The following CAD variants were observed in gnomAD, a reference collection of about 807,000 sequenced individuals.
The protein encoded by CAD is multifunctional protein CAD.
A neutral mutation model predicts 237.2 loss-of-function variants in CAD; 81 were observed. The ratio of observed to expected loss-of-function variants is 0.34; its 90% CI spans 0.29 to 0.41. The LOEUF is 0.41. Ranked by LOEUF, CAD falls within the 10% of genes least tolerant of loss-of-function variation. The pLI is 1.00. For synonymous variants in CAD, 1,196 were observed against 1,162.8 expected, an observed-to-expected ratio of 1.03 and a Z score of -0.58; for missense variants, 2,181 against 2,951.7, an observed-to-expected ratio of 0.74 and a Z score of 6.05.
At position 27,236,297 on chromosome 2, in the gene CAD, A is replaced by G; in HGVS notation, c.4088A>G (p.Asp1363Gly). ...CCGGGTTGGCAGGTAACAGCTGTGG[A>G]CTGGCACTTTGAGGAGGCTGTGGAT... is the stretch of plus-strand genomic sequence containing the variant. ...TEHGVKVTAV[D>G]WHFEEAVDGE... Residue 1363 changes from aspartate (D) to glycine (G), a missense_variant, in exon 26 of 44, where the codon GAC becomes GGC. Coordinates refer to ENST00000264705, the MANE Select transcript of CAD (RefSeq NM_004341.5). The surrounding 1 kb of genome is among the most constrained non-coding windows in gnomAD (Gnocchi z 4.1). 6.2e-7 allele frequency: 1 copy of G among 1,613,962 alleles called. No individual in the cohort carries two copies. The highest frequency in any genetic ancestry group is 8.5e-7 in the Non-Finnish European group (1 of 1,179,970).
rs996720922 is a variant in CAD at position 27,221,392 on chromosome 2, C to T, written c.352+45C>T. 3 of 1,446,330 alleles carry T rather than the reference C, an allele frequency of 2.1e-6. No individual in the cohort carries two copies. The African/African-American group carries it at 4.3e-5, about 21-fold the overall frequency. 89.6% of individuals were successfully genotyped at this position (1,446,330 alleles called of 1,614,324 possible). A position where few individuals can be genotyped will look rare whatever the true frequency, so the allele number is the denominator to read the frequency against. ...CATATTTGGGCAGAGCACAGCATGC[C>T]TGGATGGAAAGAATCAAGGTTTCTG... On this transcript the variant is annotated intron_variant, in intron 3 of 43. Coordinates refer to ENST00000264705, the MANE Select transcript of CAD (RefSeq NM_004341.5).
chr2:27,221,525 A>T (rs952902999), intron 3 of CAD, among the ~76,000 whole-genome samples, 178 bp downstream of exon 3: 1 of 152,204 alleles, frequency 6.6e-6, no homozygotes, highest in Non-Finnish European at 1.5e-5. Context: ...TTTCCAACAC[A>T]GGAAGGAACT....
Position 27,242,765 on chromosome 2 carries a change from G to T in CAD, c.6368G>T (p.Gly2123Val). 1 of 1,614,184 alleles carries T rather than the reference G, an allele frequency of 6.2e-7. No homozygotes were observed. Among genetic ancestry groups the T allele is most frequent in the Non-Finnish European group, 8.5e-7 (1 of 1,180,022 alleles). ...GTGCGGGCCTTCGTGGCCTCCCGCG[G>T]CACCAAGCAGGTGAGACCCTCACAG... Reference protein sequence around the residue: ...PTVRAFVASRGTKQEEFESIE... With the variant: ...PTVRAFVASRVTKQEEFESIE... Residue 2123 changes from glycine (G) to valine (V), a missense_variant, in exon 41 of 44, where the codon GGC becomes GTC. Gly to Val is a moderately radical substitution (Grantham distance 109, BLOSUM62 -3). Coordinates refer to ENST00000264705, the MANE Select transcript of CAD (RefSeq NM_004341.5). This position sits in a 1 kb window ranked among gnomAD's most constrained non-coding sequence, Gnocchi z 6.4.
chr2:27,240,280 C>T lies in CAD; in HGVS notation c.5512C>T (p.Arg1838Cys), dbSNP rs918556853. The stretch of plus-strand genomic sequence containing the variant: ...ATCCCTCCAGACACCTGAAAGACCC[C>T]GCCGTGGCATCCCAGGGCTTCCTGA... Reference protein sequence around the residue: ...SEMTTTPERPRRGIPGLPDGR... With the variant: ...SEMTTTPERPCRGIPGLPDGR... Residue 1838 changes from arginine (R) to cysteine (C), a missense_variant, in exon 35 of 44, where the codon CGC (arginine) becomes TGC (cysteine). Arg to Cys is a radical substitution (Grantham distance 180). Around this residue, in one of 12 missense-constraint regions of CAD, gnomAD observed 478 missense variants for 515.0 expected, o/e 0.93. Coordinates refer to ENST00000264705, the MANE Select transcript of CAD (RefSeq NM_004341.5). The surrounding 1 kb of genome is among the most constrained non-coding windows in gnomAD (Gnocchi z 4.6). The T allele has an allele frequency of 1.1e-5, 17 of 1,613,870 alleles. No homozygotes were observed. The highest frequency in any genetic ancestry group is 2.2e-5 in the East Asian group (1 of 44,890).
rs1266022266 is a variant in CAD, at chr2:27,235,313, T to C, written c.3855T>C (p.Thr1285=). The C allele has an allele frequency of 6.2e-7, 1 of 1,614,016 alleles. No homozygotes were observed. Among genetic ancestry groups the C allele is most frequent in the Non-Finnish European group, 8.5e-7 (1 of 1,180,000 alleles). Residue 1285 remains threonine (T), a synonymous_variant, in exon 24 of 44, where the codon ACT becomes ACC. Coordinates refer to ENST00000264705, the MANE Select transcript of CAD (RefSeq NM_004341.5). The surrounding 1 kb of genome is among the most constrained non-coding windows in gnomAD (Gnocchi z 5.2). Reference sequence around the variant, plus strand: ...TGTTGGGTGTGGAAATGACCAGTACTGGGGAGGTGGCCGGCTTTGGGGAGA... The same window carrying C: ...TGTTGGGTGTGGAAATGACCAGTACCGGGGAGGTGGCCGGCTTTGGGGAGA... ...DVVLGVEMTS[T]GEVAGFGESR... is the part of the protein sequence containing the mutation.
Position 27,218,019 on chromosome 2 carries a change from A to G in CAD, c.222+3A>G. On this transcript the variant is annotated splice_donor_region_variant and intron_variant, in intron 2 of 43. Transcript: ENST00000264705. ...TGGATGAGTTCGGTCTCTGCAAGGT[A>G]GCCACACCCAGTGCTTTCTCTACAT... The G allele has an allele frequency of 6.3e-7, 1 of 1,590,482 alleles. No homozygotes were observed. Among genetic ancestry groups the G allele is most frequent in the Non-Finnish European group, 8.5e-7 (1 of 1,170,330 alleles).
Position 27,239,395 on chromosome 2 carries a change from CT to C in CAD, c.5322del (p.Phe1774LeufsTer6). On this transcript the variant is annotated frameshift_variant, in exon 33 of 44. Coordinates refer to ENST00000264705, the MANE Select transcript of CAD (RefSeq NM_004341.5). LOFTEE classifies it high-confidence loss of function. This position sits in a 1 kb window ranked among gnomAD's most constrained non-coding sequence, Gnocchi z 4.0. ...CCCTTCTCCAAGGCCCACTGGACACCTTTTGAAGGGCAGAAAGTGAAGGGCA... is the reference window on the plus strand; with the variant it reads ...CCCTTCTCCAAGGCCCACTGGACACCTTTGAAGGGCAGAAAGTGAAGGGCA... ...HMPFSKAHWT[P>X]FEGQKVKGTV... 6.2e-7 allele frequency: 1 copy of C among 1,614,120 alleles called. No individual in the cohort carries two copies. The highest frequency in any genetic ancestry group is 8.5e-7 in the Non-Finnish European group (1 of 1,179,992).
Position 27,239,044 on chromosome 2 carries a change from C to T in CAD, c.5065C>T (p.Pro1689Ser), listed in dbSNP as rs2148090834. 6.4e-6 allele frequency: 10 copies of T among 1,553,848 alleles called. No homozygotes were observed. Among genetic ancestry groups the T allele is most frequent in the African/African-American group, 1.4e-5 (1 of 72,824 alleles). The change falls in exon 32 of 44, where the codon CCC becomes TCC. Residue 1689 changes from proline (P) to serine (S), a missense_variant and splice_region_variant. Around this residue, in one of 12 missense-constraint regions of CAD, gnomAD observed 478 missense variants for 515.0 expected, o/e 0.93. Coordinates refer to ENST00000264705, the MANE Select transcript of CAD (RefSeq NM_004341.5). The surrounding 1 kb of genome is among the most constrained non-coding windows in gnomAD (Gnocchi z 4.0). ...VIDCFASDHA[P>S]HTLEEKCGSR... The stretch of plus-strand genomic sequence containing the variant: ...GGTAATGGCTTTCTTTCTCCCAGCT[C>T]CCCATACCTTGGAGGAGAAGTGTGG...
At chr2:27,227,681 T>A (rs1675502758) in intron 15 of CAD, 1 of 152,162 alleles carries the variant, frequency 6.6e-6, no homozygotes, top group Non-Finnish European at 1.5e-5. Flanking sequence ...CAAAAAGAAG[T>A]GGATTGAAAA....
chr2:27,234,769 C>G, intron 23 of CAD, 84 bp downstream of exon 23: 1 of 1,328,592 alleles, frequency 7.5e-7, no homozygotes, highest in African/African-American at 1.4e-5. Flanking sequence ...AGTATGTAAA[C>G]CAGGCACTGA....
At position 27,239,404 on chromosome 2, in the gene CAD, G is replaced by A. The variant is rs749852041; in HGVS notation, c.5327G>A (p.Gly1776Glu). 6.2e-7 allele frequency: 1 copy of A among 1,614,006 alleles called. No individual in the cohort carries two copies. Among genetic ancestry groups the A allele is most frequent in the African/African-American group, 1.3e-5 (1 of 74,910 alleles). The change falls in exon 33 of 44, where the codon GGG becomes GAG. Residue 1776 changes from glycine to glutamate, a missense_variant. Transcript: ENST00000264705. The surrounding 1 kb of genome is among the most constrained non-coding windows in gnomAD (Gnocchi z 4.0). ...AAGGCCCACTGGACACCTTTTGAAG[G>A]GCAGAAAGTGAAGGGCACCGTCCGC... ...FSKAHWTPFE[G>E]QKVKGTVRRV...
Position 27,232,438 on chromosome 2 carries a change from T to G in CAD, c.2646-10T>G, listed in dbSNP as rs1357464213. 2.5e-6 allele frequency: 4 copies of G among 1,614,000 alleles called. No homozygotes were observed. The highest frequency in any genetic ancestry group is 2.7e-5 in the African/African-American group (2 of 74,922). ...CTGGGCCTGTGTTTCAGACCCTTTT[T>G]CTATTTTAGCACAGAGCTGGCTGTT... On this transcript the variant is annotated splice_polypyrimidine_tract_variant and intron_variant, in intron 17 of 43. Transcript: ENST00000264705. This position sits in a 1 kb window ranked among gnomAD's most constrained non-coding sequence, Gnocchi z 4.1.
chr2:27,232,739 A>G lies in CAD; in HGVS notation c.2892+45A>G, dbSNP rs371169356. On this transcript the variant is annotated intron_variant, in intron 18 of 43. Transcript: ENST00000264705. This position sits in a 1 kb window ranked among gnomAD's most constrained non-coding sequence, Gnocchi z 4.1. ...TTCCACTTTCCTTGCTATTCTGTTC[A>G]TCTCTAGCAATTGCTTGGCACTAAT... is the stretch of plus-strand genomic sequence containing the variant. The G allele has an allele frequency of 1.4e-5, 22 of 1,609,550 alleles. No homozygotes were observed. The African/African-American group carries it at 2.8e-4, about 21-fold the overall frequency.
In CAD at chr2:27,232,267, C is replaced by A; in HGVS notation, c.2645+43C>A. 6.2e-7 allele frequency: 1 copy of A among 1,608,176 alleles called. No individual in the cohort carries two copies. Among genetic ancestry groups the A allele is most frequent in the Non-Finnish European group, 8.5e-7 (1 of 1,178,040 alleles). ...GAGCTTCCGGCTGGGAAATGTGGGG[C>A]AGAACCTTTGTATCAGTGAGGGACC... is the stretch of plus-strand genomic sequence containing the variant. On this transcript the variant is annotated intron_variant, in intron 17 of 43. Coordinates refer to ENST00000264705, the MANE Select transcript of CAD (RefSeq NM_004341.5). The surrounding 1 kb of genome is among the most constrained non-coding windows in gnomAD (Gnocchi z 4.1).
rs1675849447 is a variant in CAD, at chr2:27,233,256, G to C, written c.2992-56G>C. 12 of 1,537,466 alleles carry C rather than the reference G, an allele frequency of 7.8e-6. No individual in the cohort carries two copies. The highest frequency in any genetic ancestry group is 1.1e-5 in the Non-Finnish European group (12 of 1,111,018). On this transcript the variant is annotated intron_variant, in intron 19 of 43. Coordinates refer to ENST00000264705, the MANE Select transcript of CAD (RefSeq NM_004341.5). The surrounding 1 kb of genome is among the most constrained non-coding windows in gnomAD (Gnocchi z 6.3). ...GCTGAGGGAAGCAGTGAGCAGGAAG[G>C]CTCAGATTCCTGCCCTCTTTTGCTG... is the stretch of plus-strand genomic sequence containing the variant.
chr2:27,238,333 C>T lies in CAD; in HGVS notation c.4861-98C>T, dbSNP rs1676125081. On this transcript the variant is annotated intron_variant, in intron 30 of 43. Transcript: ENST00000264705. Reference sequence around the variant, plus strand: ...TCGAGCCAGCACCCTTGCAGGTCTACATCATCATTTTTTGAGCAGGGATGT... The same window carrying T: ...TCGAGCCAGCACCCTTGCAGGTCTATATCATCATTTTTTGAGCAGGGATGT... The T allele has an allele frequency of 2.1e-6, 3 of 1,455,838 alleles. No homozygotes were observed. In the African/African-American group the frequency reaches 4.2e-5, roughly 20 times the overall value. The allele number at this position is 1,455,838 out of a possible 1,614,324, so 90.2% of individuals were successfully genotyped here.
Position 27,226,505 on chromosome 2 carries a change from T to G in CAD, c.2032-20T>G, listed in dbSNP as rs776716707. Reference sequence around the variant, plus strand: ...AGACAGGGTCTTCTAGGCCAGTGACTTTATTCTCCTTCTTTGCAGTATTAC... The same window carrying G: ...AGACAGGGTCTTCTAGGCCAGTGACGTTATTCTCCTTCTTTGCAGTATTAC... On this transcript the variant is annotated intron_variant, in intron 13 of 43. Transcript: ENST00000264705. 1 of 1,613,694 alleles carries G rather than the reference T, an allele frequency of 6.2e-7. No homozygotes were observed. Among genetic ancestry groups the G allele is most frequent in the Admixed American group, 1.7e-5 (1 of 60,004 alleles).
At position 27,243,943 on chromosome 2, in the gene CAD, A is replaced by G. The variant is rs1054017995; in HGVS notation, c.*425A>G. On this transcript the variant is annotated 3_prime_UTR_variant, in exon 44 of 44. Coordinates refer to ENST00000264705, the MANE Select transcript of CAD (RefSeq NM_004341.5). ...TTTGGGACTCGGCAGGAGCGTGTTA[A>G]CTCTGTGCTCTCTGAGTCCTGTGTC... 1.7e-5 allele frequency: 3 copies of G among 176,088 alleles called. No individual in the cohort carries two copies. The highest frequency in any genetic ancestry group is 7.2e-5 in the African/African-American group (3 of 41,920). The allele number at this position is 176,088 out of a possible 1,614,324, so 10.9% of individuals were successfully genotyped here.
chr2:27,235,288 T>C lies in CAD; in HGVS notation c.3830T>C (p.Val1277Ala). 2.5e-6 allele frequency: 4 copies of C among 1,613,536 alleles called. No individual in the cohort carries two copies. Among genetic ancestry groups the C allele is most frequent in the Non-Finnish European group, 3.4e-6 (4 of 1,179,818 alleles). Residue 1277 changes from valine (V) to alanine (A), a missense_variant, in exon 24 of 44, where the codon GTG becomes GCG. Physicochemically the swap from Val to Ala is moderately conservative, Grantham distance 64. Coordinates refer to ENST00000264705, the MANE Select transcript of CAD (RefSeq NM_004341.5). The surrounding 1 kb of genome is among the most constrained non-coding windows in gnomAD (Gnocchi z 5.2). ...TCCCGCTTGGCGGGTGCTGACGTGG[T>C]GTTGGGTGTGGAAATGACCAGTACT... ...SFSRLAGADV[V>A]LGVEMTSTGE...
Sources: gnomAD v4.1 joint callset for allele counts (sites outside exome capture counted in the v4.1 genomes callset) on GRCh38, gnomAD v4.1.1 for gene constraint, gnomAD v4.1.1 regional missense constraint, Gnocchi (gnomAD v3.1) non-coding constraint, MANE v1.5 for transcripts, NCBI Gene and HGNC (gene_info 2026-07-23, HGNC 2026-07-21) for gene names.